LRP1B: variants seen among roughly 807,000 people sequenced by gnomAD.
LRP1B encodes low-density lipoprotein receptor-related protein 1B.
A neutral mutation model predicts 556.6 loss-of-function variants in LRP1B; 217 were observed. That is an observed-to-expected ratio of 0.39 (90% CI 0.35 to 0.44). LRP1B has a LOEUF of 0.44. Among genes scored for constraint, LRP1B ranks in the 20% least tolerant of loss-of-function variants. LRP1B has a pLI of 1.00. For synonymous variants in LRP1B, 2,047 were observed against 1,865.8 expected (o/e 1.10, Z -2.50); for missense variants, 5,053 against 5,620.8 (o/e 0.90, Z 3.23).
Position 140,770,970 on chromosome 2 carries a change from G to A in LRP1B, c.5537C>T (p.Ser1846Phe), listed in dbSNP as rs2104939323. 1 of 1,587,060 alleles carries A rather than the reference G, an allele frequency of 6.3e-7. No individual in the cohort carries two copies. Among genetic ancestry groups the A allele is most frequent in the Non-Finnish European group, 8.6e-7 (1 of 1,169,134 alleles). The stretch of plus-strand genomic sequence containing the variant: ...TTCAGATGTTGGTAAACAAAGTTGA[G>A]AGCATCCACCATTGTTTAGTTGGCA... ...NSCQLNNGGC[S>F]QLCLPTSETT... The change falls in exon 34 of 91, where the codon TCT becomes TTT. Residue 1846 changes from serine to phenylalanine, a missense_variant. By Grantham distance (155) the Ser-to-Phe change is radical (BLOSUM62 -2). Coordinates refer to ENST00000389484, the MANE Select transcript of LRP1B (RefSeq NM_018557.3).
chr2:141,802,064 G>A (rs80279927), intron 2 of LRP1B, among the ~76,000 whole-genome samples: 1 of 151,982 alleles, frequency 6.6e-6, no homozygotes, highest in Non-Finnish European at 1.5e-5. Flanking sequence ...TTGTTTGCTT[G>A]TAAATGGCCA....
chr2:141,997,637 T>G (rs1306386200), intron 1 of LRP1B, among the ~76,000 whole-genome samples: 1 of 104,566 alleles, frequency 9.6e-6, no homozygotes, highest in Non-Finnish European at 2.0e-5. Flanking sequence ...CTTGAGCCAC[T>G]GCACCCAGCC....
At position 140,468,402 on chromosome 2, in the gene LRP1B, C is replaced by G. The variant is rs766063499; in HGVS notation, c.9625+6736G>C. 5.3e-5 allele frequency among the ~76,000 whole-genome samples: 8 copies of G among 152,144 alleles called. No homozygotes were observed. The East Asian group carries it at 1.5e-3, about 29-fold the overall frequency. On this transcript the variant is annotated intron_variant, in intron 60 of 90. Coordinates refer to ENST00000389484, the MANE Select transcript of LRP1B (RefSeq NM_018557.3). ...GACAACTGCCACAGTGGTAGGGCCA[C>G]AGTAGAGAGCTCCTATTATTAGGGC... is the stretch of plus-strand genomic sequence containing the variant.
chr2:140,358,831 A>G lies in LRP1B; in HGVS notation c.11247T>C (p.Asp3749=). 6.2e-7 allele frequency: 1 copy of G among 1,608,182 alleles called. No homozygotes were observed. Among genetic ancestry groups the G allele is most frequent in the Non-Finnish European group, 8.5e-7 (1 of 1,175,664 alleles). Residue 3749 remains aspartate (D), a synonymous_variant, in exon 73 of 91, where the codon GAT becomes GAC. Transcript: ENST00000389484. The part of the protein sequence containing the change: ...IDECGDNSDE[D]HCGGKLTYKA... Reference sequence around the variant, plus strand: ...ATTAAATGCATTTACCACCACAGTGATCTTCATCTGAATTGTCACCGCATT... The same window carrying G: ...ATTAAATGCATTTACCACCACAGTGGTCTTCATCTGAATTGTCACCGCATT...
At chr2:141,771,669 G>A (rs1694904024) in intron 2 of LRP1B, among the ~76,000 whole-genome samples, 1 of 152,138 alleles carries the variant, frequency 6.6e-6, no homozygotes, top group South Asian at 2.1e-4. Context: ...ATATGTTGAA[G>A]TCCTAATCCC....
Position 140,982,508 on chromosome 2 carries a change from A to G in LRP1B, c.2771-232T>C, listed in dbSNP as rs940519680. 5.9e-5 allele frequency among the ~76,000 whole-genome samples: 9 copies of G among 152,330 alleles called. 1 individual carries two copies. In the South Asian group the frequency reaches 1.9e-3, roughly 32 times the overall value. On this transcript the variant is annotated intron_variant, in intron 17 of 90. Coordinates refer to ENST00000389484, the MANE Select transcript of LRP1B (RefSeq NM_018557.3). The stretch of plus-strand genomic sequence containing the variant: ...ATCAATGACTGCTAAATGACAAGAT[A>G]GTCAGTAACCCTCACACAATTCCAT...
intron 66 of LRP1B, among the ~76,000 whole-genome samples, chr2:140,439,714 C>G (rs1227972924): frequency 2.6e-5 from 4 of 151,984 alleles, no homozygotes; most frequent in African/African-American, 4.8e-5. Flanking sequence ...GTCTCCTAAA[C>G]TATATTTAAT....
intron 21 of LRP1B, among the ~76,000 whole-genome samples, chr2:140,910,550 A>G (rs1235802331): frequency 6.6e-6 from 1 of 151,882 alleles, no homozygotes; most frequent in Admixed American, 6.6e-5. Flanking sequence ...AGAAAAAAAC[A>G]TTTAATCATA....
rs116209944 is a variant in LRP1B at position 140,254,838 on chromosome 2, C to T, written c.13248-7676G>A. ...AAGTGCTGGGATTACAGGAGTGAGC[C>T]ACCCCACCGTGCCTGGCCCCAAGAT... On this transcript the variant is annotated intron_variant, in intron 86 of 90. Transcript: ENST00000389484. Among the ~76,000 whole-genome samples the T allele has an allele frequency of 6.6e-3, 1,005 of 152,182 alleles. 6 individuals are homozygous for T. Among genetic ancestry groups the T allele is most frequent in the Non-Finnish European group, 0.011 (782 of 68,010 alleles).
intron 3 of LRP1B, among the ~76,000 whole-genome samples, chr2:141,453,078 T>C (rs1304204204): frequency 1.3e-5 from 2 of 151,718 alleles, no homozygotes; most frequent in Non-Finnish European, 2.9e-5. Context: ...TCTACTAAAA[T>C]ATACAAAAAT....
chr2:141,073,373 A>G (rs1459824159), intron 7 of LRP1B, among the ~76,000 whole-genome samples: 5 of 150,172 alleles, frequency 3.3e-5, no homozygotes, highest in African/African-American at 1.2e-4. Flanking sequence ...TTCTCTTAGC[A>G]CTCTCTTGGT....
At chr2:141,853,017 ATATC>A (rs1697918266) in intron 1 of LRP1B, among the ~76,000 whole-genome samples, 1 of 151,758 alleles carries the variant, frequency 6.6e-6, no homozygotes. Context: ...AAGAAAAACA[ATATC>A]TATAGGCTGC....
At chr2:140,520,009 G>GT (rs1690090104) in intron 49 of LRP1B, among the ~76,000 whole-genome samples, 1 of 152,118 alleles carries the variant, frequency 6.6e-6, no homozygotes. Flanking sequence ...CTTTTACACT[G>GT]TTTTTGGGAG....
intron 1 of LRP1B, among the ~76,000 whole-genome samples, chr2:142,123,104 T>C (rs1707516628): frequency 6.6e-6 from 1 of 152,052 alleles, no homozygotes; most frequent in African/African-American, 2.4e-5. Flanking sequence ...AACAGATGAT[T>C]CTAAACACAT....
Position 140,716,724 on chromosome 2 carries a change from C to G in LRP1B, c.5851G>C (p.Gly1951Arg), listed in dbSNP as rs78699256. 3.9e-5 allele frequency: 63 copies of G among 1,612,280 alleles called. 1 individual carries two copies. The East Asian group carries it at 1.2e-3, about 31-fold the overall frequency. Residue 1951 changes from glycine (G) to arginine (R), a missense_variant, in exon 36 of 91, where the codon GGC becomes CGC. Around this residue, in one of 5 missense-constraint regions of LRP1B, gnomAD observed 3,619 missense variants for 3,931.9 expected, o/e 0.92. Coordinates refer to ENST00000389484, the MANE Select transcript of LRP1B (RefSeq NM_018557.3). Reference protein sequence around the residue: ...QTWKEDIITNGLGRVEGIAVD... With the variant: ...QTWKEDIITNRLGRVEGIAVD... The stretch of plus-strand genomic sequence containing the variant: ...GCTATCCCTTCCACTCTTCCCAAGC[C>G]ATTGGTAATGATATCTTCTTTCCAA...
rs774313278 is a variant in LRP1B, at chr2:140,487,747, T to TA, written c.9121-9dup. On this transcript the variant is annotated splice_polypyrimidine_tract_variant and intron_variant, in intron 57 of 90. Transcript: ENST00000389484. ...AATAACATTGTTTAATCCCTGAAAA[T>TA]AAAAAAGACTATGTTGTCAATGATA... 12 of 1,491,780 alleles carry TA rather than the reference T, an allele frequency of 8.0e-6. No individual in the cohort carries two copies. Among genetic ancestry groups the TA allele is most frequent in the Middle Eastern group, 3.5e-4 (2 of 5,666 alleles). The allele number at this position is 1,491,780 out of a possible 1,614,324, so 92.4% of individuals were successfully genotyped here.
At chr2:141,274,532 T>C (rs1453128362) in intron 3 of LRP1B, among the ~76,000 whole-genome samples, 1 of 152,124 alleles carries the variant, frequency 6.6e-6, no homozygotes. Context: ...GAATGGTTGT[T>C]CCTAGTACTG....
intron 35 of LRP1B, among the ~76,000 whole-genome samples, chr2:140,724,236 G>T (rs184383436): frequency 6.6e-6 from 1 of 152,256 alleles, no homozygotes; most frequent in African/African-American, 2.4e-5. Context: ...TGCAATCCCA[G>T]CGCTTTGGAA....
At chr2:140,511,120 G>C (rs778798667) in intron 51 of LRP1B, among the ~76,000 whole-genome samples, 2 of 151,904 alleles carry the variant, frequency 1.3e-5, no homozygotes, top group East Asian at 1.9e-4. Flanking sequence ...TAAGTGACTA[G>C]ATGAAAAATA....
Sources: gnomAD v4.1 joint callset for allele counts (sites outside exome capture counted in the v4.1 genomes callset) on GRCh38, gnomAD v4.1.1 for gene constraint, gnomAD v4.1.1 regional missense constraint, MANE v1.5 for transcripts, NCBI Gene and HGNC (gene_info 2026-07-23, HGNC 2026-07-21) for gene names.